The following ATXN7L1 variants were observed in gnomAD, a reference collection of about 807,000 sequenced individuals.
ATXN7L1 encodes ataxin-7-like protein 1.
In ATXN7L1, 15 loss-of-function variants were observed where a neutral mutation model predicts 70.8. The ratio of observed to expected loss-of-function variants is 0.21; its 90% CI spans 0.14 to 0.33. The LOEUF (loss-of-function observed/expected upper bound fraction) is 0.33, where lower values mean the gene tolerates loss of function less well. Among genes scored for constraint, ATXN7L1 ranks in the 10% least tolerant of loss-of-function variants. The pLI is 1.00. For missense variants in ATXN7L1, 975 were observed against 1,097.1 expected, an observed-to-expected ratio of 0.89 and a Z score of 1.57; for synonymous variants, 440 against 445.1, an observed-to-expected ratio of 0.99 and a Z score of 0.14.
chr7:105,701,312 C>A (rs1331595861), intron 3 of ATXN7L1, among the ~76,000 whole-genome samples: 2 of 152,010 alleles, frequency 1.3e-5, no homozygotes, highest in Admixed American at 6.6e-5. Flanking sequence ...TGAAAAAAAG[C>A]ATGTTTCAAA....
intron 3 of ATXN7L1, among the ~76,000 whole-genome samples, chr7:105,783,031 G>T (rs530848730): frequency 6.6e-6 from 1 of 152,124 alleles, no homozygotes; most frequent in East Asian, 1.9e-4. Context: ...GCCAGAAAAC[G>T]ATACAACCTT....
intron 3 of ATXN7L1, among the ~76,000 whole-genome samples, chr7:105,700,581 A>C (rs1359990860): frequency 2.0e-5 from 3 of 151,262 alleles, no homozygotes; most frequent in East Asian, 3.9e-4. Context: ...ACCATATCTG[A>C]GCCCCTGTGT....
At chr7:105,693,105 A>G (rs1434803159) in intron 3 of ATXN7L1, among the ~76,000 whole-genome samples, 5 of 152,242 alleles carry the variant, frequency 3.3e-5, no homozygotes, top group Non-Finnish European at 7.3e-5. Context: ...GACCAAGAGA[A>G]TTAACCAAAT....
intron 2 of ATXN7L1, among the ~76,000 whole-genome samples, chr7:105,843,839 T>C (rs907638586): frequency 2.0e-5 from 3 of 152,238 alleles, no homozygotes; most frequent in African/African-American, 7.2e-5. Flanking sequence ...CCTGCTCCAT[T>C]ACTGTGTAAA....
chr7:105,757,198 T>C (rs1360309285), intron 3 of ATXN7L1, among the ~76,000 whole-genome samples: 1 of 151,352 alleles, frequency 6.6e-6, no homozygotes, highest in Non-Finnish European at 1.5e-5. Context: ...GGGATTGTAT[T>C]TTTGAAAAAA....
At chr7:105,727,821 G>A (rs1162284815) in intron 3 of ATXN7L1, among the ~76,000 whole-genome samples, 6 of 113,618 alleles carry the variant, frequency 5.3e-5, no homozygotes, top group African/African-American at 6.9e-5. Context: ...TGAATATAAA[G>A]GCAATGTTAT....
intron 7 of ATXN7L1, among the ~76,000 whole-genome samples, chr7:105,635,475 G>A (rs1054187935): frequency 2.0e-4 from 31 of 152,198 alleles, no homozygotes; most frequent in African/African-American, 7.2e-4. Context: ...TCCATGGACT[G>A]CTTCTTATGT....
intron 3 of ATXN7L1, among the ~76,000 whole-genome samples, chr7:105,705,328 G>A (rs946858583): frequency 6.9e-6 from 1 of 144,174 alleles, no homozygotes. Flanking sequence ...GCCCGGCCGA[G>A]TATTTTTTAT....
intron 4 of ATXN7L1, among the ~76,000 whole-genome samples, chr7:105,657,144 C>G (rs561613955): frequency 5.9e-5 from 9 of 152,268 alleles, no homozygotes; most frequent in South Asian, 2.1e-4. Flanking sequence ...TCACTTGGAG[C>G]AATGGAACGA....
chr7:105,650,668 A>G (rs1799698928), intron 4 of ATXN7L1, among the ~76,000 whole-genome samples: 1 of 152,242 alleles, frequency 6.6e-6, no homozygotes, highest in African/African-American at 2.4e-5. Flanking sequence ...CTGCCGGCCA[A>G]GAAGGTCATA....
intron 3 of ATXN7L1, chr7:105,760,260 A>C: frequency 1.0e-6 from 1 of 979,136 alleles, no homozygotes. Flanking sequence ...ATATTTATGT[A>C]TGGTTTTACA....
At chr7:105,701,507 T>C (rs1357349348) in intron 3 of ATXN7L1, among the ~76,000 whole-genome samples, 3 of 152,192 alleles carry the variant, frequency 2.0e-5, no homozygotes, top group African/African-American at 7.2e-5. Flanking sequence ...GTTTTTGCAG[T>C]GCATTCCTTT....
At chr7:105,685,787 G>A (rs935499323) in intron 3 of ATXN7L1, among the ~76,000 whole-genome samples, 1 of 152,158 alleles carries the variant, frequency 6.6e-6, no homozygotes, top group South Asian at 2.1e-4. Context: ...GAACAACTAG[G>A]CTTTAGGCTC....
intron 2 of ATXN7L1, among the ~76,000 whole-genome samples, chr7:105,857,241 A>G (rs1447433755): frequency 2.0e-5 from 3 of 152,192 alleles, no homozygotes; most frequent in African/African-American, 7.2e-5. Context: ...GGCCCATGTA[A>G]AACCACAAAC....
intron 4 of ATXN7L1, 22 bp downstream of exon 4, chr7:105,665,044 G>T (rs1010116335): frequency 6.5e-7 from 1 of 1,538,424 alleles, no homozygotes; most frequent in Non-Finnish European, 8.8e-7. Context: ...GACAGCAGCT[G>T]GCTGCCAGCC....
chr7:105,686,132 T>TA (rs10718986), intron 3 of ATXN7L1, among the ~76,000 whole-genome samples: 48 of 147,552 alleles, frequency 3.3e-4, no homozygotes, highest in South Asian at 1.3e-3. Context: ...AAGGGCAGAT[T>TA]AAAAAAAAAA....
intron 7 of ATXN7L1, among the ~76,000 whole-genome samples, chr7:105,637,333 T>C (rs2115891610): frequency 6.6e-6 from 1 of 152,344 alleles, no homozygotes; most frequent in Admixed American, 6.5e-5. Flanking sequence ...CCCCTTCTTT[T>C]ACGACTATGT....
intron 3 of ATXN7L1, among the ~76,000 whole-genome samples, chr7:105,726,922 C>T (rs1196047328): frequency 6.6e-6 from 1 of 152,212 alleles, no homozygotes; most frequent in Non-Finnish European, 1.5e-5. Flanking sequence ...ATTAATTTAA[C>T]AATTAACATT....
chr7:105,609,593 T>G (rs1792976990), intron 11 of ATXN7L1, among the ~76,000 whole-genome samples: 1 of 151,984 alleles, frequency 6.6e-6, no homozygotes, highest in South Asian at 2.1e-4. Context: ...GCTGCCTGAA[T>G]AGCTGGGACT....
Sources: allele counts gnomAD v4.1 joint callset (sites outside exome capture counted in the v4.1 genomes callset), GRCh38; gene constraint gnomAD v4.1.1; transcripts MANE v1.5; gene names NCBI Gene and HGNC (gene_info 2026-07-23, HGNC 2026-07-21).